Variants in PHYHIPL observed in about 807,000 individuals in gnomAD.
The protein encoded by PHYHIPL is phytanoyl-CoA 2-hydroxylase interacting protein like.
A neutral mutation model predicts 33.4 loss-of-function variants in PHYHIPL; 9 were observed. That is an observed-to-expected ratio of 0.27 (90% CI 0.16 to 0.47). PHYHIPL has a LOEUF of 0.47. Among genes scored for constraint, PHYHIPL ranks in the 20% least tolerant of loss-of-function variants. PHYHIPL has a pLI of 0.99. For missense variants in PHYHIPL, 365 were observed against 460.7 expected (o/e 0.79, Z 1.90); for synonymous variants, 153 against 154.1 (o/e 0.99, Z 0.05).
intron 1 of PHYHIPL, among the ~76,000 whole-genome samples, chr10:59,187,607 G>C (rs1838649279): frequency 6.6e-6 from 1 of 152,116 alleles, no homozygotes; most frequent in Admixed American, 6.5e-5. Context: ...GACCTTTTTT[G>C]GTTGGTAAGC....
At chr10:59,224,456 G>GAAAACA (rs1554798694) in intron 1 of PHYHIPL, among the ~76,000 whole-genome samples, 1 of 139,806 alleles carries the variant, frequency 7.2e-6, no homozygotes, top group Admixed American at 7.1e-5. Flanking sequence ...CTGTCTCAAG[G>GAAAACA]AAACAAAACA....
chr10:59,196,607 AT>A (rs1338246448), intron 1 of PHYHIPL, among the ~76,000 whole-genome samples: 2 of 151,872 alleles, frequency 1.3e-5, no homozygotes, highest in African/African-American at 4.8e-5. Flanking sequence ...TTTAGTAGAG[AT>A]GGGGTTTCAC....
intron 1 of PHYHIPL, among the ~76,000 whole-genome samples, chr10:59,203,447 A>G (rs1839185906): frequency 6.6e-6 from 1 of 152,130 alleles, no homozygotes; most frequent in Admixed American, 6.5e-5. Context: ...AAATCATGCT[A>G]CTTTAAAGAC....
Position 59,245,400 on chromosome 10 carries a change from A to G in PHYHIPL, c.940A>G (p.Thr314Ala). ...TAAGGATAATAAATTTTTGACCTGTACAGAAGAAGATGGGGTGCTGGTTTA... is the reference window on the plus strand; with the variant it reads ...TAAGGATAATAAATTTTTGACCTGTGCAGAAGAAGATGGGGTGCTGGTTTA... The part of the protein sequence containing the change: ...NSKDNKFLTC[T>A]EEDGVLVYHH... The change falls in exon 5 of 5, where the codon ACA (threonine) becomes GCA (alanine). Residue 314 changes from threonine to alanine, a missense_variant. By Grantham distance (58) the Thr-to-Ala change is moderately conservative. Around this residue, in one of 4 missense-constraint regions of PHYHIPL, gnomAD observed 196 missense variants for 224.9 expected, o/e 0.87. Coordinates refer to ENST00000373880, the MANE Select transcript of PHYHIPL (RefSeq NM_032439.4). 1.2e-6 allele frequency: 2 copies of G among 1,614,166 alleles called. No individual in the cohort carries two copies. Among genetic ancestry groups the G allele is most frequent in the Non-Finnish European group, 1.7e-6 (2 of 1,180,034 alleles).
At chr10:59,174,060 T>A (rs1296658964), upstream of PHYHIPL, among the ~76,000 whole-genome samples, 1 of 150,540 alleles carries the variant, frequency 6.6e-6, no homozygotes, top group African/African-American at 2.4e-5. Context: ...CTGTTCAAGG[T>A]TACTGGAATG....
chr10:59,216,766 G>A (rs986364348), intron 1 of PHYHIPL, among the ~76,000 whole-genome samples: 1 of 152,112 alleles, frequency 6.6e-6, no homozygotes, highest in African/African-American at 2.4e-5. Context: ...CTTTGGAGAA[G>A]CTTGGTTATG....
At chr10:59,232,719 G>A (rs1220280035) in intron 1 of PHYHIPL, among the ~76,000 whole-genome samples, 1 of 151,060 alleles carries the variant, frequency 6.6e-6, no homozygotes, top group Admixed American at 6.6e-5. Context: ...AAATTATGTG[G>A]ACATAGTTAT....
rs1302493966 is a variant in PHYHIPL at position 59,176,977 on chromosome 10, C to G, written c.106+18C>G. On this transcript the variant is annotated intron_variant, in intron 1 of 4. Coordinates refer to ENST00000373880, the MANE Select transcript of PHYHIPL (RefSeq NM_032439.4). ...CCGGGACGGTAAGAGCGGCCGGGACCGCGAGGAAAGGGACAGAGTTCGCGC... is the reference window on the plus strand; with the variant it reads ...CCGGGACGGTAAGAGCGGCCGGGACGGCGAGGAAAGGGACAGAGTTCGCGC... The G allele has an allele frequency of 3.7e-6, 6 of 1,607,320 alleles. No individual in the cohort carries two copies. Among genetic ancestry groups the G allele is most frequent in the Non-Finnish European group, 5.1e-6 (6 of 1,176,628 alleles).
chr10:59,226,264 C>A (rs1839919258), intron 1 of PHYHIPL, among the ~76,000 whole-genome samples: 1 of 152,030 alleles, frequency 6.6e-6, no homozygotes, highest in African/African-American at 2.4e-5. Flanking sequence ...TAGAATTTTT[C>A]TTTCAGAATG....
At chr10:59,239,639 G>T (rs549312791) in intron 4 of PHYHIPL, among the ~76,000 whole-genome samples, 1 of 152,142 alleles carries the variant, frequency 6.6e-6, no homozygotes, top group East Asian at 1.9e-4. Flanking sequence ...CCTGGAAGCA[G>T]TTCCTGAGAA....
chr10:59,232,456 GA>G (rs1256339009), intron 1 of PHYHIPL, among the ~76,000 whole-genome samples: 1 of 151,496 alleles, frequency 6.6e-6, no homozygotes, highest in African/African-American at 2.4e-5. Flanking sequence ...TTTTTCTCTC[GA>G]ATTTTAACAA....
chr10:59,207,392 C>T lies in PHYHIPL; in HGVS notation c.107-26912C>T, dbSNP rs974876917. Among the ~76,000 whole-genome samples the T allele has an allele frequency of 2.1e-4, 32 of 152,274 alleles. 1 individual carries two copies. Among genetic ancestry groups the T allele is most frequent in the Non-Finnish European group, 3.7e-4 (25 of 68,028 alleles). Reference sequence around the variant, plus strand: ...CTGTGCCATGAGGACCAGTGCACTCCGGCCCCCATACTACACTTTTCCCAC... The same window carrying T: ...CTGTGCCATGAGGACCAGTGCACTCTGGCCCCCATACTACACTTTTCCCAC... On this transcript the variant is annotated intron_variant, in intron 1 of 4. Coordinates refer to ENST00000373880, the MANE Select transcript of PHYHIPL (RefSeq NM_032439.4).
chr10:59,179,587 A>G (rs1838344030), intron 1 of PHYHIPL, among the ~76,000 whole-genome samples: 1 of 152,250 alleles, frequency 6.6e-6, no homozygotes, highest in East Asian at 1.9e-4. Context: ...TTTTAATTTT[A>G]TAATGTTTTC....
At chr10:59,208,275 G>A (rs556756745) in intron 1 of PHYHIPL, among the ~76,000 whole-genome samples, 1 of 152,330 alleles carries the variant, frequency 6.6e-6, no homozygotes, top group African/African-American at 2.4e-5. Context: ...TAATACCCAG[G>A]CAAACAGGAT....
intron 1 of PHYHIPL, among the ~76,000 whole-genome samples, chr10:59,194,396 C>A (rs966264393): frequency 1.3e-5 from 2 of 151,906 alleles, no homozygotes; most frequent in Admixed American, 6.6e-5. Context: ...TTTTAATTTT[C>A]TGACATAGAA....
intron 1 of PHYHIPL, among the ~76,000 whole-genome samples, chr10:59,215,632 A>C (rs1839593585): frequency 6.6e-6 from 1 of 152,002 alleles, no homozygotes; most frequent in African/African-American, 2.4e-5. Flanking sequence ...AAAAACACCT[A>C]GAAATTATGG....
chr10:59,241,056 C>G (rs748790620), intron 4 of PHYHIPL, among the ~76,000 whole-genome samples: 6 of 151,988 alleles, frequency 3.9e-5, no homozygotes, highest in Non-Finnish European at 8.8e-5. Context: ...TAAAATATGT[C>G]TTGGTGCAGT....
In PHYHIPL at chr10:59,176,902, T is replaced by A; in HGVS notation, c.49T>A (p.Cys17Ser). The stretch of plus-strand genomic sequence containing the variant: ...TGCCCTCAACAGCCCCACCAGCCCC[T>A]GTGAGGAGGTGATCAAAAACCTCAG... ...DHALNSPTSP[C>S]EEVIKNLSLE... Residue 17 changes from cysteine (C) to serine (S), a missense_variant, in exon 1 of 5, where the codon TGT becomes AGT. By Grantham distance (112) the Cys-to-Ser change is moderately radical. Transcript: ENST00000373880. The A allele has an allele frequency of 6.2e-7, 1 of 1,613,588 alleles. No individual in the cohort carries two copies. The highest frequency in any genetic ancestry group is 8.5e-7 in the Non-Finnish European group (1 of 1,179,796).
intron 4 of PHYHIPL, among the ~76,000 whole-genome samples, chr10:59,243,254 T>C (rs1329131522): frequency 6.6e-6 from 1 of 152,200 alleles, no homozygotes; most frequent in East Asian, 1.9e-4. Flanking sequence ...TATTTTCAAA[T>C]GCTGAACGAG....
Sources: gnomAD v4.1 joint callset for allele counts (sites outside exome capture counted in the v4.1 genomes callset) on GRCh38, gnomAD v4.1.1 for gene constraint, gnomAD v4.1.1 regional missense constraint, MANE v1.5 for transcripts, NCBI Gene and HGNC (gene_info 2026-07-23, HGNC 2026-07-21) for gene names.